The following RBFOX1 variants were observed in gnomAD, a reference collection of about 807,000 sequenced individuals.
RBFOX1 encodes RNA binding protein fox-1 homolog 1.
A neutral mutation model predicts 57.7 loss-of-function variants in RBFOX1; 8 were observed. The ratio of observed to expected loss-of-function variants is 0.14; its 90% CI spans 0.08 to 0.25. The LOEUF is 0.25. Among genes scored for constraint, RBFOX1 ranks in the 10% least tolerant of loss-of-function variants. The probability of loss-of-function intolerance (pLI) is 1.00; values close to 1 mark genes in which losing one functional copy is unlikely to be tolerated. For synonymous variants in RBFOX1, 326 were observed against 222.4 expected (o/e 1.47, Z -4.15); for missense variants, 611 against 548.5 (o/e 1.11, Z -1.14).
At chr16:5,991,078 A>G (rs1471881177) in intron 4 of RBFOX1, among the ~76,000 whole-genome samples, 1 of 152,230 alleles carries the variant, frequency 6.6e-6, no homozygotes, top group Non-Finnish European at 1.5e-5. Context: ...AACTGAGTTT[A>G]TTTTGAAAGC....
At chr16:7,009,262 C>T (rs1226932590) in intron 3 of RBFOX1, among the ~76,000 whole-genome samples, 2 of 140,854 alleles carry the variant, frequency 1.4e-5, no homozygotes, top group Non-Finnish European at 3.0e-5. Context: ...CCTTCCTCTC[C>T]TTCCTCTTCT....
chr16:7,178,533 G>A (rs1481529568), intron 4 of RBFOX1, among the ~76,000 whole-genome samples: 1 of 152,158 alleles, frequency 6.6e-6, no homozygotes, highest in Non-Finnish European at 1.5e-5. Context: ...TGTGATGTGT[G>A]CATGGCAAAG....
chr16:7,244,079 A>C (rs1603441540), intron 4 of RBFOX1, among the ~76,000 whole-genome samples: 1 of 152,096 alleles, frequency 6.6e-6, no homozygotes, highest in African/African-American at 2.4e-5. Flanking sequence ...TTATGTAATA[A>C]AACTTTTATT....
At chr16:6,391,853 A>G (rs1290886377) in intron 2 of RBFOX1, among the ~76,000 whole-genome samples, 1 of 152,208 alleles carries the variant, frequency 6.6e-6, no homozygotes, top group East Asian at 1.9e-4. Flanking sequence ...GAAAACAAAC[A>G]TATATATTGC....
chr16:6,359,899 G>A (rs1472638582), intron 2 of RBFOX1, among the ~76,000 whole-genome samples: 1 of 152,100 alleles, frequency 6.6e-6, no homozygotes, highest in African/African-American at 2.4e-5. Flanking sequence ...TGCCTAAAAT[G>A]AACATTGGGA....
chr16:5,471,569 A>C (rs1474925852), intron 2 of RBFOX1, among the ~76,000 whole-genome samples: 2 of 151,882 alleles, frequency 1.3e-5, no homozygotes, highest in African/African-American at 4.8e-5. Flanking sequence ...GTAGGTGCCC[A>C]CCCCCGGAGA....
At position 5,745,549 on chromosome 16, in the gene RBFOX1, A is replaced by T. The variant is rs551275720; in HGVS notation, c.319-121754A>T. On this transcript the variant is annotated intron_variant, in intron 3 of 19. Transcript: ENST00000641259. ...TTCCACAATGGTTGAACTAGTTTAC[A>T]GTCCCACCAGCAGTGTAAAAGTGTT... Among the ~76,000 whole-genome samples, 9 of 152,334 alleles carry T rather than the reference A, an allele frequency of 5.9e-5. No homozygotes were observed. In the South Asian group the frequency reaches 1.7e-3, roughly 28 times the overall value.
At chr16:5,834,349 G>A (rs2056381635) in intron 3 of RBFOX1, among the ~76,000 whole-genome samples, 1 of 152,096 alleles carries the variant, frequency 6.6e-6, no homozygotes, top group Non-Finnish European at 1.5e-5. Context: ...GAGAACATGA[G>A]GTATTTGATT....
At chr16:6,969,234 G>C (rs777116175) in intron 3 of RBFOX1, among the ~76,000 whole-genome samples, 6 of 152,142 alleles carry the variant, frequency 3.9e-5, no homozygotes, top group Non-Finnish European at 7.4e-5. Flanking sequence ...GAATGATAAT[G>C]AAGTTCTTGG....
chr16:6,927,157 A>ATTGTT, intron 3 of RBFOX1, among the ~76,000 whole-genome samples: 1 of 151,966 alleles, frequency 6.6e-6, no homozygotes, highest in South Asian at 2.1e-4. Flanking sequence ...CCACCCTCAG[A>ATTGTT]AGTTCTGAAT....
chr16:6,914,802 C>G (rs151084652), intron 3 of RBFOX1, among the ~76,000 whole-genome samples: 1 of 152,142 alleles, frequency 6.6e-6, no homozygotes, highest in Non-Finnish European at 1.5e-5. Context: ...ACAACAAGAT[C>G]GCTGAAGCCC....
At chr16:5,521,044 A>G (rs1200414194) in intron 2 of RBFOX1, among the ~76,000 whole-genome samples, 2 of 152,184 alleles carry the variant, frequency 1.3e-5, no homozygotes, top group Admixed American at 6.5e-5. Context: ...ATAGAGATTA[A>G]TGGACATCAA....
intron 3 of RBFOX1, among the ~76,000 whole-genome samples, chr16:6,842,002 G>T (rs1053823591): frequency 1.3e-5 from 2 of 151,766 alleles, no homozygotes; most frequent in Non-Finnish European, 2.9e-5. Context: ...AATTAGCCGG[G>T]CGTGGTGGCG....
chr16:5,756,663 A>G (rs2053408240), intron 3 of RBFOX1, among the ~76,000 whole-genome samples: 1 of 152,198 alleles, frequency 6.6e-6, no homozygotes, highest in Non-Finnish European at 1.5e-5. Flanking sequence ...CGAATGACTA[A>G]TTGATAACTA....
At chr16:5,922,033 C>T (rs2058834732) in intron 4 of RBFOX1, among the ~76,000 whole-genome samples, 1 of 151,916 alleles carries the variant, frequency 6.6e-6, no homozygotes, top group Non-Finnish European at 1.5e-5. Flanking sequence ...TGGTGATGTA[C>T]TCTTGTGGTC....
intron 4 of RBFOX1, among the ~76,000 whole-genome samples, chr16:7,426,279 C>A (rs373979997): frequency 6.6e-6 from 1 of 152,098 alleles, no homozygotes; most frequent in Admixed American, 6.6e-5. Context: ...ATCGTCTCCC[C>A]GCTTAATCCT....
chr16:7,013,636 G>A (rs12920067), intron 3 of RBFOX1, among the ~76,000 whole-genome samples: 65,517 of 152,084 alleles, frequency 0.43, 17,431 homozygotes, highest in South Asian at 0.61. Context: ...AGGGAGGAGG[G>A]AGGATGCCAT....
chr16:6,069,330 G>A (rs1182348029), intron 1 of RBFOX1, among the ~76,000 whole-genome samples: 4 of 150,514 alleles, frequency 2.7e-5, no homozygotes, highest in African/African-American at 4.9e-5. Context: ...CCTGGAAGGC[G>A]GAGGTTGCAG....
intron 4 of RBFOX1, among the ~76,000 whole-genome samples, chr16:7,282,609 T>TGTGG (rs369548367): frequency 3.7e-4 from 56 of 152,092 alleles, no homozygotes; most frequent in African/African-American, 1.3e-3. Context: ...CATAGGTTAT[T>TGTGG]GGGGGAACAG....
Sources: allele counts gnomAD v4.1 joint callset (sites outside exome capture counted in the v4.1 genomes callset), GRCh38; gene constraint gnomAD v4.1.1; transcripts MANE v1.5; gene names NCBI Gene and HGNC (gene_info 2026-07-23, HGNC 2026-07-21).